Variants in CADM2 observed in about 807,000 individuals in gnomAD.
CADM2 encodes the protein cell adhesion molecule 2.
A neutral mutation model predicts 49.8 loss-of-function variants in CADM2; 12 were observed. The observed-to-expected ratio is 0.24, with a 90% CI of 0.15 to 0.39. The LOEUF (loss-of-function observed/expected upper bound fraction) is 0.39, where lower values mean the gene tolerates loss of function less well. Ranked by LOEUF, CADM2 falls within the 10% of genes least tolerant of loss-of-function variation. The probability of loss-of-function intolerance (pLI) is 1.00; values close to 1 mark genes in which losing one functional copy is unlikely to be tolerated. For missense variants in CADM2, 378 were observed against 492.3 expected (o/e 0.77, Z 2.20); for synonymous variants, 214 against 175.4 (o/e 1.22, Z -1.74).
At chr3:85,195,542 G>GACACACAC (rs71108270) in intron 1 of CADM2, among the ~76,000 whole-genome samples, 238 of 146,962 alleles carry the variant, frequency 1.6e-3, no homozygotes, top group African/African-American at 5.3e-3. Context: ...AAACCAGCAA[G>GACACACAC]ACACACACAC....
At chr3:85,345,210 G>C (rs2030468004) in intron 1 of CADM2, among the ~76,000 whole-genome samples, 1 of 148,842 alleles carries the variant, frequency 6.7e-6, no homozygotes. Context: ...GCTACTCGGG[G>C]AGCTGAGGCA....
chr3:85,786,325 A>G (rs1485446942), intron 2 of CADM2, among the ~76,000 whole-genome samples: 1 of 152,128 alleles, frequency 6.6e-6, no homozygotes, highest in East Asian at 1.9e-4. Context: ...TTTCTTTAGC[A>G]AATTTATCTG....
intron 1 of CADM2, among the ~76,000 whole-genome samples, chr3:85,219,819 G>A (rs1438891153): frequency 1.3e-5 from 2 of 152,018 alleles, no homozygotes; most frequent in Non-Finnish European, 1.5e-5. Flanking sequence ...AGAGCATATT[G>A]GCCAGGAACA....
At chr3:84,985,687 T>A (rs545763575) in intron 1 of CADM2, among the ~76,000 whole-genome samples, 1 of 152,338 alleles carries the variant, frequency 6.6e-6, no homozygotes, top group African/African-American at 2.4e-5. Flanking sequence ...GAAATTATCC[T>A]CAATGTCACT....
intron 1 of CADM2, among the ~76,000 whole-genome samples, chr3:85,391,104 A>C (rs1354323864): frequency 6.6e-6 from 1 of 152,112 alleles, no homozygotes; most frequent in South Asian, 2.1e-4. Flanking sequence ...ATTACCTCCA[A>C]TGAAGTACTT....
chr3:85,548,428 A>C (rs1346585317), intron 1 of CADM2, among the ~76,000 whole-genome samples: 3 of 151,922 alleles, frequency 2.0e-5, no homozygotes, highest in Non-Finnish European at 4.4e-5. Context: ...CACCCTGGCC[A>C]ACATGAAGGA....
intron 3 of CADM2, among the ~76,000 whole-genome samples, chr3:85,818,929 G>A (rs1375592419): frequency 6.8e-6 from 1 of 147,430 alleles, no homozygotes; most frequent in East Asian, 1.9e-4. Flanking sequence ...TTATGAAGGA[G>A]AATTGACTCA....
intron 8 of CADM2, among the ~76,000 whole-genome samples, chr3:85,990,042 A>AAAAAAG (rs1436572625): frequency 8.6e-4 from 92 of 107,336 alleles, no homozygotes; most frequent in Non-Finnish European, 1.5e-3. Context: ...AAAAAAAAAA[A>AAAAAAG]AAGAAGACTA....
intron 5 of CADM2, among the ~76,000 whole-genome samples, chr3:85,905,704 T>G (rs990631025): frequency 4.6e-5 from 7 of 152,140 alleles, no homozygotes; most frequent in African/African-American, 1.4e-4. Flanking sequence ...AAAAATTTAA[T>G]CTAATCTTTA....
rs142732347 is a variant in CADM2 at position 84,992,069 on chromosome 3, T to C, written c.61+32401T>C. Among the ~76,000 whole-genome samples the C allele has an allele frequency of 1.4e-3, 217 of 152,320 alleles. 1 individual carries two copies. Among genetic ancestry groups the C allele is most frequent in the African/African-American group, 4.9e-3 (204 of 41,568 alleles). On this transcript the variant is annotated intron_variant, in intron 1 of 9. Coordinates refer to ENST00000383699, the MANE Select transcript of CADM2 (RefSeq NM_001167675.2). ...ACTACTTTGTATGATACTATAATGA[T>C]GGCTATTTGCCATTATACATTTGTC...
At chr3:85,877,240 A>G (rs984904324) in intron 3 of CADM2, among the ~76,000 whole-genome samples, 2 of 152,002 alleles carry the variant, frequency 1.3e-5, no homozygotes, top group Non-Finnish European at 2.9e-5. Flanking sequence ...TTCTTCTTTT[A>G]TTACACATGC....
At chr3:84,971,370 A>T (rs974133550) in intron 1 of CADM2, among the ~76,000 whole-genome samples, 2 of 152,232 alleles carry the variant, frequency 1.3e-5, no homozygotes, top group African/African-American at 4.8e-5. Flanking sequence ...ATTTACAAAC[A>T]TATTTTTAAA....
intron 1 of CADM2, among the ~76,000 whole-genome samples, chr3:85,535,761 A>G (rs1182290770): frequency 1.3e-5 from 2 of 152,118 alleles, no homozygotes; most frequent in Admixed American, 1.3e-4. Flanking sequence ...GGAAAGGGGA[A>G]ATGTACAGCA....
At chr3:85,746,483 C>T (rs1419402434) in intron 2 of CADM2, among the ~76,000 whole-genome samples, 1 of 152,128 alleles carries the variant, frequency 6.6e-6, no homozygotes, top group East Asian at 1.9e-4. Context: ...CTGCATTTTT[C>T]TAAATTCAAC....
chr3:85,828,630 G>A (rs2108219667), intron 3 of CADM2, among the ~76,000 whole-genome samples: 1 of 151,894 alleles, frequency 6.6e-6, no homozygotes, highest in Admixed American at 6.6e-5. Flanking sequence ...CTTATATCTT[G>A]TATAATTCCT....
intron 1 of CADM2, among the ~76,000 whole-genome samples, chr3:85,298,207 T>G (rs542115737): frequency 1.5e-4 from 23 of 152,190 alleles, no homozygotes; most frequent in Admixed American, 9.2e-4. Context: ...ACTATGTTGA[T>G]GCTACTGATG....
intron 1 of CADM2, among the ~76,000 whole-genome samples, chr3:85,536,453 A>G (rs533376725): frequency 1.8e-5 from 2 of 112,524 alleles, no homozygotes; most frequent in Admixed American, 9.9e-5. Flanking sequence ...ACTATTAAAT[A>G]TAGTATTGTT....
chr3:85,717,485 C>G (rs532796554), intron 1 of CADM2, among the ~76,000 whole-genome samples: 1 of 152,084 alleles, frequency 6.6e-6, no homozygotes, highest in Non-Finnish European at 1.5e-5. Context: ...TCCTTTATTT[C>G]TTTCTCTCCC....
rs543217114 is a variant in CADM2, at chr3:86,039,489, G to A, written c.971-26116G>A. ...GCCCACGGAGCCTCACTCATCGCTA[G>A]CACAGCAGTCTGACATCAAACTGCA... On this transcript the variant is annotated intron_variant, in intron 8 of 9. Coordinates refer to ENST00000383699, the MANE Select transcript of CADM2 (RefSeq NM_001167675.2). Among the ~76,000 whole-genome samples, 8 of 152,284 alleles carry A rather than the reference G, an allele frequency of 5.3e-5. 1 individual carries two copies. Among genetic ancestry groups the A allele is most frequent in the African/African-American group, 1.4e-4 (6 of 41,572 alleles).
Sources: gnomAD v4.1 joint callset for allele counts (sites outside exome capture counted in the v4.1 genomes callset) on GRCh38, gnomAD v4.1.1 for gene constraint, MANE v1.5 for transcripts, NCBI Gene and HGNC (gene_info 2026-07-23, HGNC 2026-07-21) for gene names.